Variants in LHCGR observed in about 807,000 individuals in gnomAD.
The protein encoded by LHCGR is lutropin-choriogonadotropic hormone receptor.
In LHCGR, 55 loss-of-function variants were observed where a neutral mutation model predicts 60.7. The observed-to-expected ratio is 0.91, with a 90% CI of 0.73 to 1.13. LHCGR has a LOEUF of 1.13. Among genes scored for constraint, LHCGR ranks in the 50% most tolerant of loss-of-function variants. The probability of loss-of-function intolerance (pLI) is 0.00; values close to 1 mark genes in which losing one functional copy is unlikely to be tolerated. For missense variants in LHCGR, 862 were observed against 836.0 expected, an observed-to-expected ratio of 1.03 and a Z score of -0.38; for synonymous variants, 337 against 316.5, an observed-to-expected ratio of 1.06 and a Z score of -0.69.
intron 1 of LHCGR, among the ~76,000 whole-genome samples, chr2:48,734,502 A>C (rs6751138): frequency 0.2 from 30,121 of 152,092 alleles, 4,958 homozygotes; most frequent in African/African-American, 0.44. Context: ...GACAAATGGA[A>C]AATAAAAAAG....
At chr2:48,736,248 G>T (rs1279125560) in intron 1 of LHCGR, among the ~76,000 whole-genome samples, 1 of 152,162 alleles carries the variant, frequency 6.6e-6, no homozygotes. Flanking sequence ...CTTTTGGGCA[G>T]CCCTCATCCA....
chr2:48,725,483 A>G (rs576752621), intron 4 of LHCGR, among the ~76,000 whole-genome samples, 193 bp downstream of exon 4: 41 of 152,346 alleles, frequency 2.7e-4, no homozygotes, highest in South Asian at 8.3e-4. Flanking sequence ...AACCACTTAC[A>G]TGTATGTAAA....
At chr2:48,751,881 T>C (rs1669972134) in intron 1 of LHCGR, among the ~76,000 whole-genome samples, 2 of 152,328 alleles carry the variant, frequency 1.3e-5, no homozygotes, top group Non-Finnish European at 2.9e-5. Context: ...AAAAAATAAA[T>C]TGCCATAATT....
At chr2:48,725,034 A>T (rs1265270833) in intron 4 of LHCGR, among the ~76,000 whole-genome samples, 1 of 152,178 alleles carries the variant, frequency 6.6e-6, no homozygotes, top group Non-Finnish European at 1.5e-5. Flanking sequence ...ATGACTTGAT[A>T]TGTGAAAAGA....
rs1669662570 is a variant in LHCGR at position 48,745,585 on chromosome 2, CTA to C, written c.161+9924_161+9925del. Among the ~76,000 whole-genome samples, 3 of 151,232 alleles carry C rather than the reference CTA, an allele frequency of 2.0e-5. No individual in the cohort carries two copies. In the South Asian group the frequency reaches 6.2e-4, roughly 31 times the overall value. On this transcript the variant is annotated intron_variant, in intron 1 of 10. Transcript: ENST00000294954. Reference sequence around the variant, plus strand: ...ATTGGAAATCATCATTCTCAGTAAACTATCGCAAGAACAAAAAACCAAACACC... The same window carrying C: ...ATTGGAAATCATCATTCTCAGTAAACTCGCAAGAACAAAAAACCAAACACC...
At position 48,694,950 on chromosome 2, in the gene LHCGR, G is replaced by A. The variant is rs534698637; in HGVS notation, c.867-646C>T. On this transcript the variant is annotated intron_variant, in intron 9 of 10. Coordinates refer to ENST00000294954, the MANE Select transcript of LHCGR (RefSeq NM_000233.4). Reference sequence around the variant, plus strand: ...AGATACAAATGAATAAAGAAATAGGGTATAAGCATTCCCTTTTCTTCCACA... The same window carrying A: ...AGATACAAATGAATAAAGAAATAGGATATAAGCATTCCCTTTTCTTCCACA... Among the ~76,000 whole-genome samples, 23 of 152,142 alleles carry A rather than the reference G, an allele frequency of 1.5e-4. 1 individual carries two copies. In the South Asian group the frequency reaches 2.3e-3, roughly 15 times the overall value.
At chr2:48,742,877 C>T (rs1176168198) in intron 1 of LHCGR, among the ~76,000 whole-genome samples, 1 of 151,916 alleles carries the variant, frequency 6.6e-6, no homozygotes, top group Non-Finnish European at 1.5e-5. Context: ...ACACAAAAAA[C>T]CCTTCAAAAA....
At chr2:48,751,691 A>C (rs1018143012) in intron 1 of LHCGR, among the ~76,000 whole-genome samples, 5 of 152,244 alleles carry the variant, frequency 3.3e-5, no homozygotes, top group African/African-American at 1.2e-4. Flanking sequence ...AGGTGTCAGG[A>C]AAGAGTAATG....
intron 10 of LHCGR, among the ~76,000 whole-genome samples, chr2:48,693,226 A>G (rs554765318): frequency 2.6e-5 from 4 of 152,308 alleles, no homozygotes; most frequent in African/African-American, 9.6e-5. Context: ...AAGGAAAAGA[A>G]GAGACAGTAA....
intron 3 of LHCGR, 112 bp from the exon 4 acceptor site, chr2:48,725,862 C>T (rs1459258297): frequency 2.3e-6 from 2 of 865,224 alleles, no homozygotes; most frequent in Non-Finnish European, 3.9e-6. Flanking sequence ...TCAGCAAAAG[C>T]AGGCGACCTT....
intron 6 of LHCGR, among the ~76,000 whole-genome samples, chr2:48,714,275 C>A (rs549304950): frequency 6.6e-6 from 1 of 152,190 alleles, no homozygotes; most frequent in South Asian, 2.1e-4. Flanking sequence ...TCCTCATCAT[C>A]ATTTCCATTA....
At chr2:48,708,894 C>T (rs1464951652) in intron 8 of LHCGR, 54 bp downstream of exon 8, 13 of 1,323,988 alleles carry the variant, frequency 9.8e-6, no homozygotes, top group Non-Finnish European at 1.3e-5. Context: ...ACACCCTAAG[C>T]AGTCCTGTTG....
chr2:48,727,208 T>C (rs957678075), intron 3 of LHCGR, among the ~76,000 whole-genome samples: 5 of 151,980 alleles, frequency 3.3e-5, no homozygotes, highest in Admixed American at 2.6e-4. Context: ...GGAGGATCAC[T>C]TGAGCCCAGG....
chr2:48,728,590 T>C (rs77494436), intron 3 of LHCGR, among the ~76,000 whole-genome samples: 1 of 152,192 alleles, frequency 6.6e-6, no homozygotes, highest in African/African-American at 2.4e-5. Context: ...GAAAACTGAA[T>C]TGAACCAGTC....
intron 10 of LHCGR, among the ~76,000 whole-genome samples, chr2:48,690,968 TG>T (rs1034374091): frequency 7.9e-5 from 12 of 152,240 alleles, no homozygotes; most frequent in African/African-American, 2.9e-4. Flanking sequence ...ATTCTAGCTC[TG>T]AAAGGAACTG....
In LHCGR at chr2:48,739,376, G is replaced by A. The variant is rs560537098; in HGVS notation, c.162-8078C>T. Among the ~76,000 whole-genome samples the A allele has an allele frequency of 3.6e-3, 542 of 152,232 alleles. 3 individuals are homozygous for A. Among genetic ancestry groups the A allele is most frequent in the Non-Finnish European group, 5.6e-3 (379 of 68,034 alleles). On this transcript the variant is annotated intron_variant, in intron 1 of 10. Transcript: ENST00000294954. ...ACACATGCACACGTGTATTTATTGC[G>A]GCACTATTCACAATAGCAAAGACTT...
intron 1 of LHCGR, among the ~76,000 whole-genome samples, chr2:48,752,373 C>A (rs1669995135): frequency 2.6e-5 from 4 of 152,138 alleles, no homozygotes; most frequent in African/African-American, 9.7e-5. Flanking sequence ...TATTGAGGGA[C>A]TAATGCTGAA....
chr2:48,715,491 C>A (rs1668206797), intron 6 of LHCGR, among the ~76,000 whole-genome samples: 1 of 152,170 alleles, frequency 6.6e-6, no homozygotes, highest in Non-Finnish European at 1.5e-5. Context: ...CTTCCCTTTG[C>A]AGGATTGCTG....
intron 8 of LHCGR, among the ~76,000 whole-genome samples, chr2:48,706,011 T>A (rs897237345): frequency 6.6e-6 from 1 of 152,222 alleles, no homozygotes; most frequent in Non-Finnish European, 1.5e-5. Flanking sequence ...CAATTTGGTA[T>A]GTTTTTGCAG....
Sources: allele counts gnomAD v4.1 joint callset (sites outside exome capture counted in the v4.1 genomes callset), GRCh38; gene constraint gnomAD v4.1.1; transcripts MANE v1.5; gene names NCBI Gene and HGNC (gene_info 2026-07-23, HGNC 2026-07-21).